Variants in MALRD1 observed in about 807,000 individuals in gnomAD.
MALRD1 encodes MAM and LDL receptor class A domain containing 1.
Under a neutral mutation model 242.1 loss-of-function variants are expected in MALRD1, and 247 were observed. That is an observed-to-expected ratio of 1.02 (90% CI 0.92 to 1.13). The LOEUF is 1.13. MALRD1 is among the 50% of genes most tolerant of loss of function. The pLI, the probability that MALRD1 is intolerant of heterozygous loss-of-function variation, is 0.00. For missense variants in MALRD1, 2,989 were observed against 2,533.1 expected (o/e 1.18, Z -3.86); for synonymous variants, 995 against 866.6 (o/e 1.15, Z -2.60).
chr10:19,294,136 G>T lies in MALRD1; in HGVS notation c.3419+10955G>T, dbSNP rs140615744. ...AATAAAATAATAACTTTTATATCTC[G>T]TTTACAATTGCATTCAAAAATTAAA... On this transcript the variant is annotated intron_variant, in intron 21 of 39. Coordinates refer to ENST00000454679, the MANE Select transcript of MALRD1 (RefSeq NM_001142308.3). Among the ~76,000 whole-genome samples the T allele has an allele frequency of 9.9e-5, 15 of 152,128 alleles. 1 individual carries two copies. The South Asian group carries it at 2.5e-3, about 25-fold the overall frequency.
At chr10:19,238,379 T>C (rs1838523177) in intron 18 of MALRD1, among the ~76,000 whole-genome samples, 1 of 91,070 alleles carries the variant, frequency 1.1e-5, no homozygotes, top group African/African-American at 4.3e-5. Context: ...ATATTATACA[T>C]AATATATTAT....
At chr10:19,523,966 A>C (rs1198178315) in intron 31 of MALRD1, among the ~76,000 whole-genome samples, 1 of 152,242 alleles carries the variant, frequency 6.6e-6, no homozygotes, top group Admixed American at 6.5e-5. Flanking sequence ...AGCATTACTT[A>C]TTGGAACAAA....
In MALRD1 at chr10:19,466,685, A is replaced by G. The variant is rs1836230781; in HGVS notation, c.5029+16195A>G. Among the ~76,000 whole-genome samples, 3 of 152,176 alleles carry G rather than the reference A, an allele frequency of 2.0e-5. No homozygotes were observed. The South Asian group carries it at 6.2e-4, about 32-fold the overall frequency. The stretch of plus-strand genomic sequence containing the variant: ...GTATTCCTTATTGGAAATCCTTGGG[A>G]CCAGAAGTGTCTTGAATTTTTTATT... On this transcript the variant is annotated intron_variant, in intron 29 of 39. Transcript: ENST00000454679.
intron 13 of MALRD1, among the ~76,000 whole-genome samples, chr10:19,171,443 TATATATATATATATAC>T (rs1564439973): frequency 7.1e-6 from 1 of 140,054 alleles, no homozygotes; most frequent in African/African-American, 2.6e-5. Context: ...TATATATATA[TATATATATATATATAC>T]ACACATGTAT....
intron 21 of MALRD1, among the ~76,000 whole-genome samples, chr10:19,296,117 A>C (rs1195896948): frequency 6.6e-6 from 1 of 152,010 alleles, no homozygotes; most frequent in Non-Finnish European, 1.5e-5. Context: ...TGGGCCGCCA[A>C]CTCTTGGGAA....
chr10:19,461,399 A>G (rs1037473713), intron 29 of MALRD1, among the ~76,000 whole-genome samples: 1 of 152,190 alleles, frequency 6.6e-6, no homozygotes, highest in South Asian at 2.1e-4. Flanking sequence ...GTCTTTGTAC[A>G]TTCTAATGAT....
chr10:19,681,231 A>G (rs772266929), intron 36 of MALRD1, among the ~76,000 whole-genome samples: 8 of 152,132 alleles, frequency 5.3e-5, no homozygotes, highest in Non-Finnish European at 1.0e-4. Flanking sequence ...GTTCTCCTGG[A>G]TGATATCGTG....
At chr10:19,343,792 C>G (rs1843989350) in intron 24 of MALRD1, among the ~76,000 whole-genome samples, 1 of 152,128 alleles carries the variant, frequency 6.6e-6, no homozygotes, top group Non-Finnish European at 1.5e-5. Context: ...ATAATGTACA[C>G]AAGAACAAGT....
chr10:19,406,154 A>G (rs777942682), intron 28 of MALRD1, among the ~76,000 whole-genome samples: 1 of 152,224 alleles, frequency 6.6e-6, no homozygotes, highest in South Asian at 2.1e-4. Flanking sequence ...ATACCAGTGG[A>G]AGAGAGAGTG....
chr10:19,271,547 G>T (rs112102349), intron 19 of MALRD1, among the ~76,000 whole-genome samples: 51 of 152,204 alleles, frequency 3.4e-4, no homozygotes, highest in African/African-American at 1.2e-3. Flanking sequence ...GGCAGATCAC[G>T]AGGTCAGAGA....
intron 21 of MALRD1, among the ~76,000 whole-genome samples, chr10:19,315,728 T>C (rs1842672900): frequency 7.5e-6 from 1 of 134,104 alleles, no homozygotes; most frequent in South Asian, 2.1e-4. Context: ...TTGCATATTA[T>C]AATGTTATAT....
intron 29 of MALRD1, among the ~76,000 whole-genome samples, chr10:19,484,775 AG>A (rs531277264): frequency 1.4e-3 from 212 of 152,234 alleles, no homozygotes; most frequent in African/African-American, 4.5e-3. Flanking sequence ...GATTTCTTAA[AG>A]TACTAAAGGT....
At chr10:19,067,614 G>A (rs2131245735) in intron 2 of MALRD1, among the ~76,000 whole-genome samples, 1 of 152,180 alleles carries the variant, frequency 6.6e-6, no homozygotes, top group Admixed American at 6.5e-5. Flanking sequence ...TGTTAGTTTG[G>A]CAGTGTTTTC....
At chr10:19,180,157 G>C (rs564713811) in intron 14 of MALRD1, among the ~76,000 whole-genome samples, 1 of 152,286 alleles carries the variant, frequency 6.6e-6, no homozygotes, top group East Asian at 1.9e-4. Flanking sequence ...CAAGACAGTG[G>C]AGGAACACAG....
chr10:19,187,607 T>TA (rs1415720720), intron 14 of MALRD1, among the ~76,000 whole-genome samples: 4 of 152,078 alleles, frequency 2.6e-5, no homozygotes, highest in Non-Finnish European at 4.4e-5. Flanking sequence ...GCAGCCCACC[T>TA]AGAGCAATGG....
At chr10:19,465,481 C>A (rs1836175009) in intron 29 of MALRD1, among the ~76,000 whole-genome samples, 2 of 152,108 alleles carry the variant, frequency 1.3e-5, no homozygotes, top group Non-Finnish European at 2.9e-5. Context: ...AGGGCTGTTT[C>A]TTCACATACT....
intron 27 of MALRD1, among the ~76,000 whole-genome samples, chr10:19,388,705 A>G (rs1180515108): frequency 6.6e-6 from 1 of 152,126 alleles, no homozygotes; most frequent in Non-Finnish European, 1.5e-5. Context: ...CTGAGACTTG[A>G]TGAAGGAATA....
At chr10:19,461,656 C>A (rs1342258497) in intron 29 of MALRD1, among the ~76,000 whole-genome samples, 1 of 147,956 alleles carries the variant, frequency 6.8e-6, no homozygotes, top group East Asian at 2.1e-4. Flanking sequence ...TCAGCTTGGG[C>A]AACATAGTGA....
intron 36 of MALRD1, among the ~76,000 whole-genome samples, chr10:19,659,534 G>A (rs1005279087): frequency 7.9e-5 from 12 of 151,698 alleles, no homozygotes; most frequent in African/African-American, 2.9e-4. Flanking sequence ...TTTTAATATG[G>A]GATTCCATAT....
Sources: allele counts gnomAD v4.1 joint callset (sites outside exome capture counted in the v4.1 genomes callset), GRCh38; gene constraint gnomAD v4.1.1; transcripts MANE v1.5; gene names NCBI Gene and HGNC (gene_info 2026-07-23, HGNC 2026-07-21).